Variants in ZGRF1 observed in about 807,000 individuals in gnomAD.
The protein encoded by ZGRF1 is 5'-3' DNA helicase ZGRF1.
ZGRF1 carries 196 observed loss-of-function variants against 203.5 expected under a neutral mutation model. The ratio of observed to expected loss-of-function variants is 0.96; its 90% confidence interval spans 0.86 to 1.08. The LOEUF (loss-of-function observed/expected upper bound fraction) is 1.08. Ranked by LOEUF, ZGRF1 falls within the 50% of genes least tolerant of loss-of-function variation. The pLI, the probability that ZGRF1 is intolerant of heterozygous loss-of-function variation, is 0.00. For missense variants in ZGRF1, 2,326 were observed against 2,416.3 expected (o/e 0.96, Z 0.78); for synonymous variants, 809 against 841.3 (o/e 0.96, Z 0.66).
intron 1 of ZGRF1, 69 bp from the exon 2 acceptor site, chr4:112,633,311 T>C (rs1363821510): frequency 1.4e-6 from 1 of 710,666 alleles, no homozygotes; most frequent in Non-Finnish European, 2.4e-6. Flanking sequence ...TTTTTCTCAA[T>C]AAACTCCCAA....
intron 6 of ZGRF1, among the ~76,000 whole-genome samples, chr4:112,614,152 TTCTC>T (rs1156559464): frequency 1.3e-5 from 2 of 152,246 alleles, no homozygotes; most frequent in African/African-American, 4.8e-5. Flanking sequence ...AAATTTCTTC[TTCTC>T]TAATTTTGCT....
chr4:112,612,162 C>T (rs555384863), intron 7 of ZGRF1, among the ~76,000 whole-genome samples: 1 of 152,228 alleles, frequency 6.6e-6, no homozygotes, highest in South Asian at 2.1e-4. Context: ...GATGGGGTTT[C>T]ACCACATCAG....
chr4:112,546,255 G>A (rs1267478440), intron 24 of ZGRF1, among the ~76,000 whole-genome samples: 1 of 152,074 alleles, frequency 6.6e-6, no homozygotes, highest in Non-Finnish European at 1.5e-5. Flanking sequence ...CTATAGGGAA[G>A]AGGAAATGGG....
At chr4:112,617,396 A>T in intron 6 of ZGRF1, 44 bp downstream of exon 6, 2 of 1,342,934 alleles carry the variant, frequency 1.5e-6, no homozygotes, top group Non-Finnish European at 1.0e-6. Flanking sequence ...TATAGCTCAA[A>T]GACCTATAAA....
rs766774577 is a variant in ZGRF1 at position 112,617,968 on chromosome 4, G to A, written c.2074C>T (p.Pro692Ser). 6.2e-7 allele frequency: 1 copy of A among 1,612,918 alleles called. No individual in the cohort carries two copies. Among genetic ancestry groups the A allele is most frequent in the South Asian group, 1.1e-5 (1 of 91,026 alleles). Reference protein sequence around the residue: ...SKGINMNLHIPHIQNQIAENS... With the variant: ...SKGINMNLHISHIQNQIAENS... ...TCAGCAATCTGGTTTTGAATATGAG[G>A]AATATGTAAATTCATGTTTATACCT... The change falls in exon 6 of 28, where the codon CCT becomes TCT. Residue 692 changes from proline (P) to serine (S), a missense_variant. Coordinates refer to ENST00000505019, the MANE Select transcript of ZGRF1 (RefSeq NM_018392.5).
At chr4:112,613,339 TA>T (rs1379506767) in intron 6 of ZGRF1, among the ~76,000 whole-genome samples, 1 of 152,140 alleles carries the variant, frequency 6.6e-6, no homozygotes, top group Non-Finnish European at 1.5e-5. Context: ...TAGTCTATCT[TA>T]AATCCATTTT....
intron 17 of ZGRF1, 90 bp downstream of exon 17, chr4:112,563,041 G>T: frequency 9.6e-7 from 1 of 1,043,332 alleles, no homozygotes; most frequent in Non-Finnish European, 1.4e-6. Flanking sequence ...AACTAGAGTT[G>T]GGTCCTTTTT....
chr4:112,603,729 A>G (rs772215008), intron 9 of ZGRF1, 32 bp from the exon 10 acceptor site: 5 of 1,542,792 alleles, frequency 3.2e-6, no homozygotes, highest in South Asian at 1.1e-5. Flanking sequence ...TAAGAACTGC[A>G]TAACTATATG....
chr4:112,564,655 A>T (rs1742664641), intron 16 of ZGRF1, among the ~76,000 whole-genome samples: 1 of 152,108 alleles, frequency 6.6e-6, no homozygotes, highest in Admixed American at 6.6e-5. Flanking sequence ...TTCATTTTTC[A>T]TTGTATATAT....
intron 3 of ZGRF1, among the ~76,000 whole-genome samples, chr4:112,624,292 G>A (rs1410574381): frequency 1.3e-5 from 2 of 151,932 alleles, no homozygotes; most frequent in Admixed American, 6.6e-5. Context: ...AAAGCAGGTG[G>A]ATCACTTGAG....
At chr4:112,633,291 TCAA>T in intron 1 of ZGRF1, 49 bp from the exon 2 acceptor site, 2 of 847,620 alleles carry the variant, frequency 2.4e-6, no homozygotes, top group Non-Finnish European at 3.8e-6. Context: ...TTAAAAAATA[TCAA>T]ATATAATTTT....
intron 3 of ZGRF1, among the ~76,000 whole-genome samples, chr4:112,629,449 C>T (rs2047337984): frequency 6.6e-6 from 1 of 152,060 alleles, no homozygotes; most frequent in South Asian, 2.1e-4. Context: ...GGCAGGCAGA[C>T]GGCTTGAGCT....
chr4:112,573,616 G>C (rs564406281), intron 16 of ZGRF1, among the ~76,000 whole-genome samples: 55 of 152,124 alleles, frequency 3.6e-4, no homozygotes, highest in African/African-American at 1.3e-3. Flanking sequence ...AGAAAATATA[G>C]GTGAGTAATT....
At chr4:112,551,368 T>C (rs1417128393) in intron 22 of ZGRF1, among the ~76,000 whole-genome samples, 3 of 152,206 alleles carry the variant, frequency 2.0e-5, no homozygotes, top group Admixed American at 1.3e-4. Flanking sequence ...TATTCTCTTC[T>C]AACAATCTGA....
intron 13 of ZGRF1, 41 bp from the exon 14 acceptor site, chr4:112,585,766 A>AC: frequency 6.8e-7 from 1 of 1,466,990 alleles, no homozygotes; most frequent in South Asian, 1.4e-5. Flanking sequence ...TTAAATACAA[A>AC]ATAATTTTGT....
At chr4:112,629,423 T>A (rs2047337103) in intron 3 of ZGRF1, among the ~76,000 whole-genome samples, 1 of 152,126 alleles carries the variant, frequency 6.6e-6, no homozygotes, top group African/African-American at 2.4e-5. Flanking sequence ...GTAATCCCAA[T>A]ACTTTGGGAG....
chr4:112,543,176 C>T (rs893250167), intron 24 of ZGRF1, among the ~76,000 whole-genome samples: 9 of 152,088 alleles, frequency 5.9e-5, no homozygotes, highest in Admixed American at 2.0e-4. Context: ...TTTGTTTTGG[C>T]TCTCTTTTTT....
intron 9 of ZGRF1, among the ~76,000 whole-genome samples, chr4:112,604,702 A>G (rs1750511851): frequency 6.6e-6 from 1 of 152,206 alleles, no homozygotes; most frequent in African/African-American, 2.4e-5. Flanking sequence ...GCAAAAGCCT[A>G]AGAGTGTGAT....
intron 6 of ZGRF1, among the ~76,000 whole-genome samples, chr4:112,613,809 T>C (rs1307845726): frequency 6.6e-6 from 1 of 152,176 alleles, no homozygotes; most frequent in Non-Finnish European, 1.5e-5. Context: ...ACATATTCAA[T>C]AATCTCCTCT....
Sources: allele counts gnomAD v4.1 joint callset (sites outside exome capture counted in the v4.1 genomes callset), GRCh38; gene constraint gnomAD v4.1.1; transcripts MANE v1.5; gene names NCBI Gene and HGNC (gene_info 2026-07-23, HGNC 2026-07-21).